PDE2A: variants seen among roughly 807,000 people sequenced by gnomAD.
The protein encoded by PDE2A is cGMP-dependent 3',5'-cyclic phosphodiesterase.
Under a neutral mutation model 133.6 loss-of-function variants are expected in PDE2A, and 53 were observed. The ratio of observed to expected loss-of-function variants is 0.40; its 90% CI spans 0.32 to 0.50. The LOEUF (loss-of-function observed/expected upper bound fraction) is 0.50, where lower values mean the gene tolerates loss of function less well. Ranked by LOEUF, PDE2A falls within the 20% of genes least tolerant of loss-of-function variation. The pLI, the probability that PDE2A is intolerant of heterozygous loss-of-function variation, is 0.73. For synonymous variants in PDE2A, 491 were observed against 490.2 expected, an observed-to-expected ratio of 1.00 and a Z score of -0.02; for missense variants, 796 against 1,232.4, an observed-to-expected ratio of 0.65 and a Z score of 5.30.
chr11:72,638,191 G>A lies in PDE2A; in HGVS notation c.144+4063C>T, dbSNP rs1382364777. ...CACCAGCCGCGCCACCCTGCTGTGA[G>A]ACCTGCACCAGTCACCTGACCCTTC... is the stretch of plus-strand genomic sequence containing the variant. On this transcript the variant is annotated intron_variant, in intron 2 of 30. Coordinates refer to ENST00000334456, the MANE Select transcript of PDE2A (RefSeq NM_002599.5). 2.8e-4 allele frequency among the ~76,000 whole-genome samples: 42 copies of A among 152,224 alleles called. 2 individuals are homozygous for A. The highest frequency in any genetic ancestry group is 2.6e-3 in the Admixed American group (39 of 15,282).
Position 72,589,224 on chromosome 11 carries a change from C to G in PDE2A, c.890G>C (p.Gly297Ala). The change falls in exon 12 of 31, where the codon GGC becomes GCC. Residue 297 changes from glycine to alanine, a missense_variant. Around this residue, in one of 7 missense-constraint regions of PDE2A, gnomAD observed 417 missense variants for 475.3 expected, o/e 0.88. Transcript: ENST00000334456. Reference protein sequence around the residue: ...EVSFPLTGCLGQVVEDKKSIQ... With the variant: ...EVSFPLTGCLAQVVEDKKSIQ... The stretch of plus-strand genomic sequence containing the variant: ...GGACTTCTTGTCTTCCACCACCTGG[C>G]CCAGGCATCCTGTCAACTAGGGGGT... 1 of 1,613,550 alleles carries G rather than the reference C, an allele frequency of 6.2e-7. No homozygotes were observed. Among genetic ancestry groups the G allele is most frequent in the Middle Eastern group, 1.7e-4 (1 of 6,060 alleles).
Position 72,590,442 on chromosome 11 carries a change from T to C in PDE2A, c.688A>G (p.Ile230Val), listed in dbSNP as rs1392766336. ...GGGCCCTCACCGCACAGTTGGAGGA[T>C]CTTGCGGTCGCGGTCGGTGTACGCC... ...GAAYTDRDRK[I>V]LQLCGELYDL... Residue 230 changes from isoleucine to valine, a missense_variant, in exon 8 of 31, where the codon ATC becomes GTC. Transcript: ENST00000334456. The surrounding 1 kb of genome is among the most constrained non-coding windows in gnomAD (Gnocchi z 4.8). 3 of 1,557,476 alleles carry C rather than the reference T, an allele frequency of 1.9e-6. No individual in the cohort carries two copies. Among genetic ancestry groups the C allele is most frequent in the South Asian group, 2.4e-5 (2 of 83,300 alleles).
intron 1 of PDE2A, among the ~76,000 whole-genome samples, chr11:72,646,466 T>C (rs1453367227): frequency 1.3e-5 from 2 of 152,228 alleles, no homozygotes; most frequent in East Asian, 3.9e-4. Flanking sequence ...AGCTGGTTAC[T>C]ATAGGAATGT....
chr11:72,593,509 G>A lies in PDE2A; in HGVS notation c.490-2153C>T, dbSNP rs562031766. On this transcript the variant is annotated intron_variant, in intron 6 of 30. Coordinates refer to ENST00000334456, the MANE Select transcript of PDE2A (RefSeq NM_002599.5). ...GGTTAAAACCCAGCACAGCCCCCAG[G>A]TCCCCACCCTAACCAAGTTCAAAAT... 5.3e-5 allele frequency among the ~76,000 whole-genome samples: 8 copies of A among 152,242 alleles called. No homozygotes were observed. In the South Asian group the frequency reaches 1.7e-3, roughly 32 times the overall value.
rs1855454351 is a variant in PDE2A at position 72,674,318 on chromosome 11, T to G, written c.-111A>C. The stretch of plus-strand genomic sequence containing the variant: ...CAGCAGGCACAGGGACCAAGAGCAG[T>G]GGGCTGCCCCCTACTCAGCCTGGAC... On this transcript the variant is annotated 5_prime_UTR_variant, in exon 1 of 31. Transcript: ENST00000334456. 1 of 1,068,188 alleles carries G rather than the reference T, an allele frequency of 9.4e-7. No individual in the cohort carries two copies. The highest frequency in any genetic ancestry group is 1.4e-6 in the Non-Finnish European group (1 of 738,244). The allele number at this position is 1,068,188 out of a possible 1,614,324, so 66.2% of individuals were successfully genotyped here. A position where few individuals can be genotyped will look rare whatever the true frequency, so the allele number is the denominator to read the frequency against.
chr11:72,645,470 G>A (rs1287544342), intron 1 of PDE2A, among the ~76,000 whole-genome samples: 1 of 152,140 alleles, frequency 6.6e-6, no homozygotes, highest in Non-Finnish European at 1.5e-5. Context: ...TTATAGCTAG[G>A]AGTGACCCCA....
rs781390233 is a variant in PDE2A, at chr11:72,590,392, C to T, written c.703+35G>A. ...ACCTCCCCTCCAAGTTCTGCCCGGC[C>T]CCGCCCTCGTGACCTGTCCAGGCCG... is the stretch of plus-strand genomic sequence containing the variant. On this transcript the variant is annotated intron_variant, in intron 8 of 30. Transcript: ENST00000334456. This position sits in a 1 kb window ranked among gnomAD's most constrained non-coding sequence, Gnocchi z 4.8. 47 of 1,582,830 alleles carry T rather than the reference C, an allele frequency of 3.0e-5. No homozygotes were observed. Among genetic ancestry groups the T allele is most frequent in the Non-Finnish European group, 3.9e-5 (45 of 1,165,554 alleles).
chr11:72,579,590 C>T lies in PDE2A; in HGVS notation c.2200G>A (p.Ala734Thr), dbSNP rs1163406602. 1.3e-6 allele frequency: 2 copies of T among 1,577,946 alleles called. No homozygotes were observed. Among genetic ancestry groups the T allele is most frequent in the Non-Finnish European group, 1.7e-6 (2 of 1,158,692 alleles). ...SVMERHHFAQAIAILNTHGCN... is the reference protein window; with the variant it reads ...SVMERHHFAQTIAILNTHGCN... ...CCGTGGGTGTTGAGGATGGCGATGG[C>T]CTGAGCAAAGTGGTGCCTCTGGGGG... The change falls in exon 26 of 31, where the codon GCC (alanine) becomes ACC (threonine). Residue 734 changes from alanine to threonine, a missense_variant. Coordinates refer to ENST00000334456, the MANE Select transcript of PDE2A (RefSeq NM_002599.5).
At chr11:72,664,363 G>GTT (rs1565198393) in intron 1 of PDE2A, among the ~76,000 whole-genome samples, 1 of 92,336 alleles carries the variant, frequency 1.1e-5, no homozygotes, top group Admixed American at 1.1e-4. Flanking sequence ...CCCCTTGAAG[G>GTT]ATTTTTTTTT....
Position 72,578,427 on chromosome 11 carries a change from C to G in PDE2A, c.2508+49G>C, listed in dbSNP as rs765379513. On this transcript the variant is annotated intron_variant, in intron 29 of 30. Transcript: ENST00000334456. This position sits in a 1 kb window ranked among gnomAD's most constrained non-coding sequence, Gnocchi z 4.2. Reference sequence around the variant, plus strand: ...TAGTTCAAGCCCTCCCTGTCCCAGGCCAGGAACCCTCCCCCATCCTGGACA... The same window carrying G: ...TAGTTCAAGCCCTCCCTGTCCCAGGGCAGGAACCCTCCCCCATCCTGGACA... The G allele has an allele frequency of 6.3e-7, 1 of 1,586,766 alleles. No individual in the cohort carries two copies. The highest frequency in any genetic ancestry group is 8.7e-7 in the Non-Finnish European group (1 of 1,155,120).
chr11:72,648,587 G>A (rs1859192816), intron 1 of PDE2A, among the ~76,000 whole-genome samples: 1 of 152,124 alleles, frequency 6.6e-6, no homozygotes, highest in Non-Finnish European at 1.5e-5. Context: ...TGTCTTGTCT[G>A]CAGCAGATGG....
chr11:72,651,940 C>T (rs2135448969), intron 1 of PDE2A, among the ~76,000 whole-genome samples: 1 of 152,304 alleles, frequency 6.6e-6, no homozygotes, highest in African/African-American at 2.4e-5. Flanking sequence ...ACCAGGAAGC[C>T]CTCCTACTTC....
rs1855509760 is a variant in PDE2A at position 72,577,278 on chromosome 11, T to C, written c.*106A>G. 2 of 770,114 alleles carry C rather than the reference T, an allele frequency of 2.6e-6. No individual in the cohort carries two copies. The highest frequency in any genetic ancestry group is 4.2e-6 in the Non-Finnish European group (2 of 472,342). 47.7% of individuals were successfully genotyped at this position (770,114 alleles called of 1,614,324 possible). On this transcript the variant is annotated 3_prime_UTR_variant, in exon 31 of 31. Transcript: ENST00000334456. ...TACTTGTCCAGGGTCACACAGGAAG[T>C]CCTGGTCTAGGACCCAGGACCCGTG...
At chr11:72,648,840 C>T (rs944161498) in intron 1 of PDE2A, among the ~76,000 whole-genome samples, 1 of 152,162 alleles carries the variant, frequency 6.6e-6, no homozygotes, top group Non-Finnish European at 1.5e-5. Flanking sequence ...CATAGATACA[C>T]GTCCATGTTC....
Position 72,590,307 on chromosome 11 carries a change from AGGC to A in PDE2A, c.704-66_704-64del, listed in dbSNP as rs1214546080. ...CCGCACCTCCGTGTCCGGGTCCCTC[AGGC>A]GCCGCTCAGCTCCGCGCCGGGCCCG... On this transcript the variant is annotated intron_variant, in intron 8 of 30. Coordinates refer to ENST00000334456, the MANE Select transcript of PDE2A (RefSeq NM_002599.5). The surrounding 1 kb of genome is among the most constrained non-coding windows in gnomAD (Gnocchi z 4.8). The A allele has an allele frequency of 1.3e-6, 2 of 1,539,960 alleles. No homozygotes were observed. The highest frequency in any genetic ancestry group is 4.9e-5 in the East Asian group (2 of 40,868).
chr11:72,673,606 AC>A (rs1328540713), intron 1 of PDE2A, among the ~76,000 whole-genome samples: 1 of 151,922 alleles, frequency 6.6e-6, no homozygotes, highest in African/African-American at 2.4e-5. Context: ...GTGTCCCTGA[AC>A]CCCAATTCCC....
intron 2 of PDE2A, among the ~76,000 whole-genome samples, chr11:72,638,977 G>T (rs61580813): frequency 0.011 from 1,712 of 152,304 alleles, 22 homozygotes; most frequent in African/African-American, 0.039. Flanking sequence ...TCAAGGTCCA[G>T]TTCAAGCCTA....
At chr11:72,591,397 AGT>A (rs1856242530) in intron 6 of PDE2A, 41 bp from the exon 7 acceptor site, 1 of 1,532,680 alleles carries the variant, frequency 6.5e-7, no homozygotes, top group Non-Finnish European at 9.0e-7. Context: ...GACCTCTCTC[AGT>A]GTCTGTCTCT....
chr11:72,669,841 T>C (rs1181922921), intron 1 of PDE2A, among the ~76,000 whole-genome samples: 1 of 152,220 alleles, frequency 6.6e-6, no homozygotes, highest in African/African-American at 2.4e-5. Context: ...GTCTCTTTTG[T>C]TCACTGAACA....
Sources: allele counts gnomAD v4.1 joint callset (sites outside exome capture counted in the v4.1 genomes callset), GRCh38; gene constraint gnomAD v4.1.1; regional missense constraint gnomAD v4.1.1; non-coding constraint Gnocchi (gnomAD v3.1); transcripts MANE v1.5; gene names NCBI Gene and HGNC (gene_info 2026-07-23, HGNC 2026-07-21).